ACCSL: variants seen among roughly 807,000 people sequenced by gnomAD.
ACCSL encodes the protein 1-aminocyclopropane-1-carboxylate synthase homolog (inactive) like.
Under a neutral mutation model 61.7 loss-of-function variants are expected in ACCSL, and 55 were observed. That is an observed-to-expected ratio of 0.89 (90% CI 0.72 to 1.12). ACCSL has a LOEUF of 1.12. ACCSL is among the 50% of genes most tolerant of loss of function. ACCSL has a pLI of 0.00. For missense variants in ACCSL, 632 were observed against 698.0 expected (o/e 0.91, Z 1.07); for synonymous variants, 258 against 264.3 (o/e 0.98, Z 0.23).
At chr11:43,998,279 C>T in the ACCSL span, among the ~76,000 whole-genome samples, 10 of 152,142 alleles carry the variant, frequency 6.6e-5, no homozygotes, top group Non-Finnish European at 1.3e-4. Context: ...TCCTGGAGGG[C>T]GAGTGTGTGG....
At chr11:44,036,262 T>C in the ACCSL span, among the ~76,000 whole-genome samples, 1 of 152,152 alleles carries the variant, frequency 6.6e-6, no homozygotes, top group African/African-American at 2.4e-5. Context: ...CTAAAGGAAT[T>C]GTTAGGGTCC....
chr11:43,955,415 C>T, the ACCSL span, among the ~76,000 whole-genome samples: 1 of 152,200 alleles, frequency 6.6e-6, no homozygotes, highest in Non-Finnish European at 1.5e-5. Flanking sequence ...TGGGATCTTC[C>T]TGACCACTGC....
At chr11:43,956,222 G>A in the ACCSL span, among the ~76,000 whole-genome samples, 3 of 152,118 alleles carry the variant, frequency 2.0e-5, no homozygotes, top group East Asian at 1.9e-4. Context: ...AGTTGGCTAC[G>A]TTTGGCCAAA....
At chr11:43,952,092 G>A in the ACCSL span, among the ~76,000 whole-genome samples, 1 of 150,338 alleles carries the variant, frequency 6.7e-6, no homozygotes, top group African/African-American at 2.5e-5. Flanking sequence ...TTTATTTTAG[G>A]TTGGGGATAT....
At chr11:43,926,941 C>T in the ACCSL span, among the ~76,000 whole-genome samples, 1 of 152,210 alleles carries the variant, frequency 6.6e-6, no homozygotes, top group Non-Finnish European at 1.5e-5. Flanking sequence ...TGTAGACGGT[C>T]TTGCCATGTA....
chr11:43,925,551 C>T, the ACCSL span: 1 of 431,226 alleles, frequency 2.3e-6, no homozygotes, highest in Non-Finnish European at 4.7e-6. Flanking sequence ...CAATTTCAGA[C>T]AAGACTGGCC....
chr11:44,031,532 C>T, the ACCSL span, among the ~76,000 whole-genome samples: 1 of 152,034 alleles, frequency 6.6e-6, no homozygotes, highest in African/African-American at 2.4e-5. Flanking sequence ...ATTAGAAATG[C>T]AATATATTTA....
chr11:43,948,069 C>T, the ACCSL span, among the ~76,000 whole-genome samples: 9 of 152,346 alleles, frequency 5.9e-5, no homozygotes, highest in Non-Finnish European at 1.2e-4. Flanking sequence ...CATCCCAGCT[C>T]TGGCCAACAG....
the ACCSL span, among the ~76,000 whole-genome samples, chr11:43,941,654 G>C: frequency 6.6e-6 from 1 of 152,296 alleles, no homozygotes; most frequent in South Asian, 2.1e-4. Flanking sequence ...CCTCAGCAGG[G>C]GGCTGTCAGA....
At chr11:43,983,152 A>AT in the ACCSL span, among the ~76,000 whole-genome samples, 1 of 152,180 alleles carries the variant, frequency 6.6e-6, no homozygotes, top group South Asian at 2.1e-4. Flanking sequence ...ATTTTGGCCC[A>AT]TCCCCCATTG....
At chr11:43,980,729 C>T in the ACCSL span, among the ~76,000 whole-genome samples, 2 of 152,118 alleles carry the variant, frequency 1.3e-5, no homozygotes, top group Non-Finnish European at 1.5e-5. Flanking sequence ...CTCTGTTTTA[C>T]GGCCATCTAT....
the ACCSL span, among the ~76,000 whole-genome samples, chr11:43,966,441 A>G: frequency 6.7e-6 from 1 of 150,336 alleles, no homozygotes; most frequent in Non-Finnish European, 1.5e-5. Flanking sequence ...AAAAAAAAAG[A>G]AAAAAAAATT....
the ACCSL span, among the ~76,000 whole-genome samples, chr11:43,979,913 A>T: frequency 1.3e-5 from 2 of 151,840 alleles, no homozygotes. Flanking sequence ...AGAAATGTGT[A>T]ACTTAGATGT....
At chr11:44,012,450 C>A in the ACCSL span, among the ~76,000 whole-genome samples, 85 of 152,204 alleles carry the variant, frequency 5.6e-4, no homozygotes, top group African/African-American at 1.7e-3. Context: ...CCATGTCCAG[C>A]AAATTTTTGT....
intron 13 of ACCSL, among the ~76,000 whole-genome samples, chr11:44,058,991 C>T (rs1473298664): frequency 6.6e-6 from 1 of 152,084 alleles, no homozygotes; most frequent in Non-Finnish European, 1.5e-5. Context: ...GCCTGTAATC[C>T]CAGCACTTTG....
chr11:44,050,597 T>C lies in ACCSL; in HGVS notation c.610T>C (p.Tyr204His), dbSNP rs1204888241. ...CTGCATTGAGGACACCTTGCTTCAG[T>C]ACCCTGATTGGAGAGGGCAGCCATT... Reference protein sequence around the residue: ...MNCIEDTLLQYPDWRGQPFLR... With the variant: ...MNCIEDTLLQHPDWRGQPFLR... The change falls in exon 3 of 14, where the codon TAC becomes CAC. Residue 204 changes from tyrosine (Y) to histidine (H), a missense_variant. Transcript: ENST00000378832. 1 of 1,614,146 alleles carries C rather than the reference T, an allele frequency of 6.2e-7. No individual in the cohort carries two copies. Among genetic ancestry groups the C allele is most frequent in the Non-Finnish European group, 8.5e-7 (1 of 1,180,018 alleles).
chr11:43,932,477 C>T, the ACCSL span, among the ~76,000 whole-genome samples: 1 of 152,204 alleles, frequency 6.6e-6, no homozygotes, highest in Non-Finnish European at 1.5e-5. Context: ...CCATGTTGCC[C>T]AGGCAGGTCT....
the ACCSL span, among the ~76,000 whole-genome samples, chr11:43,967,703 C>T: frequency 1.3e-5 from 2 of 152,184 alleles, no homozygotes; most frequent in South Asian, 4.2e-4. Context: ...CTGACCTTTA[C>T]CACACTTTGC....
At chr11:43,935,773 A>G in the ACCSL span, among the ~76,000 whole-genome samples, 1 of 152,206 alleles carries the variant, frequency 6.6e-6, no homozygotes, top group South Asian at 2.1e-4. Flanking sequence ...GACTGCAGAC[A>G]TGCGCCACCA....
Sources: allele counts gnomAD v4.1 joint callset (sites outside exome capture counted in the v4.1 genomes callset), GRCh38; gene constraint gnomAD v4.1.1; transcripts MANE v1.5; gene names NCBI Gene and HGNC (gene_info 2026-07-23, HGNC 2026-07-21).